MROH9: variants seen among roughly 807,000 people sequenced by gnomAD.
MROH9 encodes maestro heat-like repeat-containing protein family member 9.
MROH9 carries 92 observed loss-of-function variants against 98.2 expected under a neutral mutation model. That is an observed-to-expected ratio of 0.94 (90% CI 0.79 to 1.11). The LOEUF (loss-of-function observed/expected upper bound fraction) is 1.11, where lower values mean the gene tolerates loss of function less well. Ranked by LOEUF, MROH9 falls within the 50% of genes most tolerant of loss-of-function variation. The pLI is 0.00. For synonymous variants in MROH9, 397 were observed against 368.9 expected, an observed-to-expected ratio of 1.08 and a Z score of -0.87; for missense variants, 1,057 against 1,014.8, an observed-to-expected ratio of 1.04 and a Z score of -0.57.
chr1:170,991,438 T>C (rs751061921), intron 11 of MROH9, among the ~76,000 whole-genome samples: 2 of 152,136 alleles, frequency 1.3e-5, no homozygotes, highest in Non-Finnish European at 2.9e-5. Flanking sequence ...ATCAGGCACC[T>C]ATATGATGAA....
intron 14 of MROH9, 67 bp from the exon 15 acceptor site, chr1:170,998,085 TTC>T: frequency 8.6e-7 from 1 of 1,163,134 alleles, no homozygotes. Flanking sequence ...AGAATAATGA[TTC>T]TCTCTTTGCC....
At chr1:171,025,498 C>T (rs1652678140) in intron 20 of MROH9, 78 bp downstream of exon 20, 2 of 974,496 alleles carry the variant, frequency 2.1e-6, no homozygotes, top group Non-Finnish European at 3.1e-6. Flanking sequence ...GTCTTTCTTA[C>T]ATTTTTTTTA....
intron 10 of MROH9, among the ~76,000 whole-genome samples, chr1:170,987,185 G>A (rs1651171377): frequency 6.6e-6 from 1 of 152,134 alleles, no homozygotes; most frequent in Admixed American, 6.6e-5. Flanking sequence ...AATATTTCAA[G>A]CATACGAACA....
Position 170,992,340 on chromosome 1 carries a change from C to A in MROH9, c.1194+11C>A, listed in dbSNP as rs1444881409. 1 of 1,609,752 alleles carries A rather than the reference C, an allele frequency of 6.2e-7. No homozygotes were observed. Among genetic ancestry groups the A allele is most frequent in the Non-Finnish European group, 8.5e-7 (1 of 1,177,786 alleles). Reference sequence around the variant, plus strand: ...TTGATGCCTTTGGCGGTAAATAACACGATGAGTGTTTCTTCTTCTCAGTAC... The same window carrying A: ...TTGATGCCTTTGGCGGTAAATAACAAGATGAGTGTTTCTTCTTCTCAGTAC... On this transcript the variant is annotated intron_variant, in intron 12 of 21. Transcript: ENST00000367759.
At chr1:171,060,829 C>T (rs1006506865) in intron 20 of MROH9, among the ~76,000 whole-genome samples, 12 of 152,180 alleles carry the variant, frequency 7.9e-5, no homozygotes, top group Middle Eastern at 3.4e-3. Flanking sequence ...GCAAACATTT[C>T]CTGAACAGGA....
intron 3 of MROH9, among the ~76,000 whole-genome samples, chr1:170,956,190 C>T (rs1028823337): frequency 2.6e-5 from 4 of 152,134 alleles, no homozygotes; most frequent in Non-Finnish European, 4.4e-5. Context: ...TATTTTTATA[C>T]CAGTACCATG....
chr1:170,970,314 A>C (rs936916014), intron 7 of MROH9, among the ~76,000 whole-genome samples: 1 of 152,126 alleles, frequency 6.6e-6, no homozygotes, highest in Non-Finnish European at 1.5e-5. Context: ...TCTCATACCC[A>C]GTAGAGAGAG....
At position 171,064,307 on chromosome 1, in the gene MROH9, C is replaced by A; in HGVS notation, c.2553C>A (p.Asp851Glu). ...ATGGCCAGATAGACAGTCCTACAGACAGTAAAGATGTCAAGAATGATAAGG... is the reference window on the plus strand; with the variant it reads ...ATGGCCAGATAGACAGTCCTACAGAAAGTAAAGATGTCAAGAATGATAAGG... ...SPNGQIDSPT[D>E]SKDVKNDKAL The change falls in exon 22 of 22, where the codon GAC becomes GAA. Residue 851 changes from aspartate to glutamate, a missense_variant. Physicochemically the swap from Asp to Glu is conservative, Grantham distance 45 (BLOSUM62 2). Coordinates refer to ENST00000367759, the MANE Select transcript of MROH9 (RefSeq NM_001163629.2). 1 of 1,544,932 alleles carries A rather than the reference C, an allele frequency of 6.5e-7. No homozygotes were observed. The highest frequency in any genetic ancestry group is 1.4e-5 in the African/African-American group (1 of 72,510).
intron 10 of MROH9, among the ~76,000 whole-genome samples, chr1:170,988,331 A>G (rs1316111713): frequency 2.0e-5 from 3 of 152,172 alleles, no homozygotes; most frequent in South Asian, 2.1e-4. Flanking sequence ...GAGATGCTTT[A>G]TATAGAACTC....
chr1:170,958,337 T>G lies in MROH9; in HGVS notation c.73-124T>G, dbSNP rs540253189. The G allele has an allele frequency of 8.0e-6, 4 of 501,230 alleles. No individual in the cohort carries two copies. The South Asian group carries it at 1.2e-4, about 16-fold the overall frequency. 31.0% of individuals were successfully genotyped at this position (501,230 alleles called of 1,614,324 possible). A position where few individuals can be genotyped will look rare whatever the true frequency, so the allele number is the denominator to read the frequency against. Reference sequence around the variant, plus strand: ...ACACTTCTATGAACTCTTGAGCATGTTTTCCAGTCTGATTTGGTTCCTTTA... The same window carrying G: ...ACACTTCTATGAACTCTTGAGCATGGTTTCCAGTCTGATTTGGTTCCTTTA... On this transcript the variant is annotated intron_variant, in intron 3 of 21. Transcript: ENST00000367759.
chr1:170,997,066 C>T (rs1215214775), intron 14 of MROH9, among the ~76,000 whole-genome samples: 1 of 152,010 alleles, frequency 6.6e-6, no homozygotes, highest in African/African-American at 2.4e-5. Flanking sequence ...TAGAAGAGAA[C>T]TTTTATTTTT....
intron 15 of MROH9, among the ~76,000 whole-genome samples, chr1:171,008,373 T>C (rs1188150066): frequency 6.6e-6 from 1 of 152,242 alleles, no homozygotes; most frequent in Admixed American, 6.5e-5. Flanking sequence ...AGAATTTTTA[T>C]ATCTTGTTCA....
At chr1:170,947,700 A>T (rs1248349372) in intron 3 of MROH9, 127 bp downstream of exon 3, 14 of 794,756 alleles carry the variant, frequency 1.8e-5, no homozygotes, top group Non-Finnish European at 2.8e-5. Context: ...AGAAAGGGGA[A>T]AAAAAGGCAA....
chr1:170,958,332 G>A (rs936565602), intron 3 of MROH9, 129 bp from the exon 4 acceptor site: 1 of 493,328 alleles, frequency 2.0e-6, no homozygotes, highest in African/African-American at 1.9e-5. Flanking sequence ...GAACTCTTGA[G>A]CATGTTTTCC....
At chr1:170,941,289 G>A (rs537752511) in intron 1 of MROH9, among the ~76,000 whole-genome samples, 4 of 152,240 alleles carry the variant, frequency 2.6e-5, no homozygotes, top group Non-Finnish European at 5.9e-5. Context: ...ATAAATTTTG[G>A]TAGTATACTA....
chr1:170,957,349 A>G (rs533206551), intron 3 of MROH9, among the ~76,000 whole-genome samples: 14 of 152,326 alleles, frequency 9.2e-5, no homozygotes, highest in African/African-American at 2.4e-4. Flanking sequence ...ACTTTTGTAT[A>G]TGGTAAAAGA....
chr1:171,002,023 C>A (rs772403037), intron 15 of MROH9, among the ~76,000 whole-genome samples: 10 of 152,170 alleles, frequency 6.6e-5, no homozygotes, highest in Admixed American at 1.3e-4. Context: ...ACCACTGTTG[C>A]TTTAAAGTTT....
intron 8 of MROH9, among the ~76,000 whole-genome samples, chr1:170,980,240 T>C (rs1650878641): frequency 1.3e-5 from 2 of 152,128 alleles, no homozygotes; most frequent in African/African-American, 4.8e-5. Context: ...AAAAACTATT[T>C]TAAATGTCAT....
At chr1:171,003,214 T>A (rs1349385794) in intron 15 of MROH9, among the ~76,000 whole-genome samples, 1 of 152,208 alleles carries the variant, frequency 6.6e-6, no homozygotes, top group Non-Finnish European at 1.5e-5. Context: ...ATTAGCTTAA[T>A]AACTAAACTC....
Sources: allele counts gnomAD v4.1 joint callset (sites outside exome capture counted in the v4.1 genomes callset), GRCh38; gene constraint gnomAD v4.1.1; transcripts MANE v1.5; gene names NCBI Gene and HGNC (gene_info 2026-07-23, HGNC 2026-07-21).